CCDC91: variants seen among roughly 807,000 people sequenced by gnomAD.
CCDC91 encodes coiled-coil domain containing 91, also known as coiled-coil domain-containing protein 91.
A neutral mutation model predicts 63.2 loss-of-function variants in CCDC91; 48 were observed. The ratio of observed to expected loss-of-function variants is 0.76; its 90% CI spans 0.60 to 0.97. CCDC91 has a LOEUF of 0.97. Ranked by LOEUF, CCDC91 falls within the 50% of genes least tolerant of loss-of-function variation. The pLI is 0.00. For synonymous variants in CCDC91, 167 were observed against 165.8 expected, an observed-to-expected ratio of 1.01 and a Z score of -0.06; for missense variants, 500 against 494.6, an observed-to-expected ratio of 1.01 and a Z score of -0.10.
chr12:28,503,163 A>T (rs1327575159), intron 12 of CCDC91, among the ~76,000 whole-genome samples: 9 of 152,180 alleles, frequency 5.9e-5, no homozygotes, highest in African/African-American at 2.2e-4. Context: ...AAAATGGGAG[A>T]AAATTTTCGC....
At chr12:28,267,705 AATTATATAATTATATATATTATTT>A in intron 3 of CCDC91, among the ~76,000 whole-genome samples, 1 of 116,888 alleles carries the variant, frequency 8.6e-6, no homozygotes, top group East Asian at 2.2e-4. Flanking sequence ...TATTATATAT[AATTATATAATTATATATATTATTT>A]ATTATATATA....
Position 28,244,892 on chromosome 12 carries a change from GT to G in CCDC91, c.-14-12307del, listed in dbSNP as rs555708827. 3.6e-4 allele frequency among the ~76,000 whole-genome samples: 55 copies of G among 151,280 alleles called. 2 individuals carry two copies. The highest frequency in any genetic ancestry group is 5.8e-4 in the East Asian group (3 of 5,152). ...TCTCAAAAAAAAAAAAGAAATAAGA[GT>G]TTACTAAAGTTGAGTAGGTAGATTA... On this transcript the variant is annotated intron_variant, in intron 1 of 12. Coordinates refer to ENST00000536442, the MANE Select transcript of CCDC91 (RefSeq NM_018318.5).
intron 6 of CCDC91, among the ~76,000 whole-genome samples, chr12:28,348,611 C>A (rs1942975756): frequency 6.6e-6 from 1 of 152,122 alleles, no homozygotes; most frequent in South Asian, 2.1e-4. Context: ...TTTCTCTCTT[C>A]TTTCTGTAAC....
chr12:28,339,841 G>A (rs770977602), intron 6 of CCDC91, among the ~76,000 whole-genome samples: 1 of 152,062 alleles, frequency 6.6e-6, no homozygotes, highest in Non-Finnish European at 1.5e-5. Context: ...ACCAGCAGTG[G>A]GGCATGTTGT....
intron 8 of CCDC91, among the ~76,000 whole-genome samples, chr12:28,403,286 T>C (rs1454313250): frequency 6.6e-6 from 1 of 152,152 alleles, no homozygotes; most frequent in East Asian, 1.9e-4. Context: ...GTGCTTTCTG[T>C]TTGGAAGGTT....
intron 8 of CCDC91, among the ~76,000 whole-genome samples, chr12:28,392,365 A>C (rs1198321933): frequency 6.6e-6 from 1 of 152,068 alleles, no homozygotes; most frequent in Admixed American, 6.6e-5. Context: ...CATGCTACAT[A>C]CTCATTGAGG....
chr12:28,530,834 C>G (rs1278438621), intron 12 of CCDC91, among the ~76,000 whole-genome samples: 1 of 152,010 alleles, frequency 6.6e-6, no homozygotes, highest in Admixed American at 6.6e-5. Context: ...TTAAATACCC[C>G]TTGAGTGCTG....
intron 6 of CCDC91, among the ~76,000 whole-genome samples, chr12:28,343,130 ATATGT>A (rs2138035332): frequency 6.6e-6 from 1 of 151,890 alleles, no homozygotes; most frequent in South Asian, 2.1e-4. Flanking sequence ...AATAAAAGAA[ATATGT>A]TGAGAGAGAC....
At chr12:28,504,967 A>G (rs1298619834) in intron 12 of CCDC91, among the ~76,000 whole-genome samples, 1 of 151,990 alleles carries the variant, frequency 6.6e-6, no homozygotes, top group African/African-American at 2.4e-5. Flanking sequence ...CCTAAACTAT[A>G]CACTTCAAAC....
chr12:28,499,433 T>C (rs1024440763), intron 12 of CCDC91, among the ~76,000 whole-genome samples: 2 of 151,820 alleles, frequency 1.3e-5, no homozygotes, highest in Non-Finnish European at 2.9e-5. Context: ...GGTATACATG[T>C]GCCATAGTGG....
chr12:28,233,130 A>C (rs1046115731), intron 1 of CCDC91, among the ~76,000 whole-genome samples: 1 of 152,034 alleles, frequency 6.6e-6, no homozygotes, highest in South Asian at 2.1e-4. Context: ...TAGAGGGTGT[A>C]TCGTGTGCTG....
chr12:28,237,477 C>T (rs1945042109), intron 1 of CCDC91, among the ~76,000 whole-genome samples: 1 of 152,090 alleles, frequency 6.6e-6, no homozygotes, highest in African/African-American at 2.4e-5. Context: ...GCATAATCTA[C>T]AGACATACAG....
intron 1 of CCDC91, among the ~76,000 whole-genome samples, chr12:28,247,994 G>A (rs892500880): frequency 6.6e-6 from 1 of 152,058 alleles, no homozygotes; most frequent in Non-Finnish European, 1.5e-5. Context: ...TTACTTGCTG[G>A]CCACTCACCT....
intron 7 of CCDC91, among the ~76,000 whole-genome samples, chr12:28,375,288 T>C (rs2138933081): frequency 6.6e-6 from 1 of 152,152 alleles, no homozygotes; most frequent in East Asian, 1.9e-4. Flanking sequence ...TCATTATCAT[T>C]TCTATATGTA....
At chr12:28,278,500 C>T (rs1343522000) in intron 3 of CCDC91, among the ~76,000 whole-genome samples, 1 of 152,042 alleles carries the variant, frequency 6.6e-6, no homozygotes, top group East Asian at 1.9e-4. Flanking sequence ...CTGTTCCACA[C>T]TTGAACTCTT....
intron 6 of CCDC91, among the ~76,000 whole-genome samples, chr12:28,334,154 C>G (rs180765228): frequency 6.6e-6 from 1 of 151,822 alleles, no homozygotes; most frequent in South Asian, 2.1e-4. Context: ...AGTCTAACAG[C>G]TTGAGGAATG....
In CCDC91 at chr12:28,394,711, G is replaced by GCTCTCTCTCTCTCT. The variant is rs151131648; in HGVS notation, c.762+3308_762+3321dup. ...TTTGGTTCAACCTTTTCTGTTTCTT[G>GCTCTCTCTCTCTCT]CTCTCTCTCTCTCTCTCTCTCCCCC... On this transcript the variant is annotated intron_variant, in intron 8 of 12. Transcript: ENST00000536442. Among the ~76,000 whole-genome samples the GCTCTCTCTCTCTCT allele has an allele frequency of 4.2e-4, 58 of 137,032 alleles. 1 individual carries two copies. Among genetic ancestry groups the GCTCTCTCTCTCTCT allele is most frequent in the South Asian group, 2.4e-3 (10 of 4,222 alleles). The allele number at this position is 137,032 out of a possible 152,430, so 89.9% of individuals were successfully genotyped here.
At chr12:28,492,660 A>G (rs1329651709) in intron 12 of CCDC91, among the ~76,000 whole-genome samples, 1 of 151,638 alleles carries the variant, frequency 6.6e-6, no homozygotes. Context: ...CAGCTGTAAC[A>G]TGAACAGCTA....
intron 12 of CCDC91, among the ~76,000 whole-genome samples, chr12:28,513,616 A>G (rs1308537733): frequency 6.6e-6 from 1 of 151,888 alleles, no homozygotes; most frequent in Middle Eastern, 3.2e-3. Flanking sequence ...TTTCAGAGAG[A>G]GTGCTAATTG....
Sources: allele counts gnomAD v4.1 joint callset (sites outside exome capture counted in the v4.1 genomes callset), GRCh38; gene constraint gnomAD v4.1.1; transcripts MANE v1.5; gene names NCBI Gene and HGNC (gene_info 2026-07-23, HGNC 2026-07-21).